The following CDH18 variants were observed in gnomAD, a reference collection of about 807,000 sequenced individuals.
The protein encoded by CDH18 is cadherin-18.
A neutral mutation model predicts 67.9 loss-of-function variants in CDH18; 31 were observed. The ratio of observed to expected loss-of-function variants is 0.46; its 90% CI spans 0.34 to 0.62. CDH18 has a LOEUF of 0.62. Ranked by LOEUF, CDH18 falls within the 20% of genes least tolerant of loss-of-function variation. The pLI, the probability that CDH18 is intolerant of heterozygous loss-of-function variation, is 0.01. For synonymous variants in CDH18, 362 were observed against 347.2 expected, an observed-to-expected ratio of 1.04 and a Z score of -0.48; for missense variants, 890 against 975.5, an observed-to-expected ratio of 0.91 and a Z score of 1.17.
intron 3 of CDH18, among the ~76,000 whole-genome samples, chr5:19,749,256 C>T (rs1174299648): frequency 6.6e-6 from 1 of 151,772 alleles, no homozygotes; most frequent in African/African-American, 2.4e-5. Context: ...GTTTCTAAAA[C>T]CTTTTCTAGA....
At chr5:20,073,080 T>A (rs1181372458) in intron 2 of CDH18, among the ~76,000 whole-genome samples, 1 of 151,974 alleles carries the variant, frequency 6.6e-6, no homozygotes. Context: ...AAAAAAACTT[T>A]AGAATCAGTA....
Position 19,471,867 on chromosome 5 carries a change from G to C in CDH18, c.*1359C>G, listed in dbSNP as rs947299413. On this transcript the variant is annotated 3_prime_UTR_variant, in exon 13 of 13. Transcript: ENST00000382275. ...ATAAGCTAATGAAACTAGAAAATTA[G>C]ATAAGCGTCTGCAAGCTTTTATGCA... 1.3e-5 allele frequency among the ~76,000 whole-genome samples: 2 copies of C among 152,136 alleles called. No homozygotes were observed. The highest frequency in any genetic ancestry group is 4.8e-5 in the African/African-American group (2 of 41,438).
In CDH18 at chr5:20,339,248, T is replaced by C. The variant is rs1046391844; in HGVS notation, c.-579-83743A>G. On this transcript the variant is annotated intron_variant, in intron 1 of 14. Transcript: ENST00000507958. ...CTAAAGAGAAAATTACTTATATTCT[T>C]TTGCACAAAGGCATGGCTGGCTTAC... is the stretch of plus-strand genomic sequence containing the variant. Among the ~76,000 whole-genome samples the C allele has an allele frequency of 2.0e-5, 3 of 152,214 alleles. No individual in the cohort carries two copies. The Middle Eastern group carries it at 0.01, about 518-fold the overall frequency.
At chr5:20,009,973 T>C (rs1052931722) in intron 2 of CDH18, among the ~76,000 whole-genome samples, 3 of 152,168 alleles carry the variant, frequency 2.0e-5, no homozygotes, top group Non-Finnish European at 2.9e-5. Flanking sequence ...TTAATTTTGA[T>C]CCTCAGATTG....
intron 1 of CDH18, among the ~76,000 whole-genome samples, chr5:20,333,596 AGGT>A (rs1472875909): frequency 1.3e-5 from 2 of 151,386 alleles, no homozygotes; most frequent in African/African-American, 4.8e-5. Context: ...ATGTTTATAA[AGGT>A]AATCTTTGCC....
At chr5:19,724,621 T>G (rs1416150995) in intron 4 of CDH18, among the ~76,000 whole-genome samples, 2 of 152,090 alleles carry the variant, frequency 1.3e-5, no homozygotes, top group Non-Finnish European at 2.9e-5. Flanking sequence ...ATGATATTGC[T>G]TTATGGTTTT....
At chr5:20,167,477 T>C (rs1736383947) in intron 2 of CDH18, among the ~76,000 whole-genome samples, 1 of 151,342 alleles carries the variant, frequency 6.6e-6, no homozygotes, top group African/African-American at 2.4e-5. Context: ...AATTAATGGA[T>C]AAATAATAAA....
chr5:20,091,865 A>C (rs954505066), intron 2 of CDH18, among the ~76,000 whole-genome samples: 2 of 152,172 alleles, frequency 1.3e-5, no homozygotes, highest in African/African-American at 4.8e-5. Context: ...TAAGCAAAGA[A>C]CCTCCAGATC....
At chr5:19,899,110 T>A (rs1421092177) in intron 2 of CDH18, among the ~76,000 whole-genome samples, 1 of 151,990 alleles carries the variant, frequency 6.6e-6, no homozygotes. Flanking sequence ...AAATAAGATA[T>A]CGTCTCAGGC....
At chr5:19,564,526 T>C (rs1415955933) in intron 8 of CDH18, among the ~76,000 whole-genome samples, 1 of 152,098 alleles carries the variant, frequency 6.6e-6, no homozygotes, top group African/African-American at 2.4e-5. Flanking sequence ...CATGACCTCC[T>C]TACTAAAGAT....
intron 11 of CDH18, among the ~76,000 whole-genome samples, chr5:19,489,444 T>C (rs1219036902): frequency 6.6e-6 from 1 of 151,972 alleles, no homozygotes; most frequent in Non-Finnish European, 1.5e-5. Flanking sequence ...AGACAGGGTT[T>C]CACCATGTTG....
At chr5:20,376,113 A>ATTTTTTTTTT (rs1743409581) in intron 1 of CDH18, among the ~76,000 whole-genome samples, 1 of 1,028 alleles carries the variant, frequency 9.7e-4, no homozygotes, top group African/African-American at 1.4e-3. Context: ...TTTTTTTTTG[A>ATTTTTTTTTT]GACGGAGTCT....
At chr5:19,801,390 C>G (rs552353342) in intron 3 of CDH18, among the ~76,000 whole-genome samples, 1 of 151,978 alleles carries the variant, frequency 6.6e-6, no homozygotes, top group Admixed American at 6.6e-5. Flanking sequence ...TTCAAGGTAC[C>G]CTTATATATC....
intron 1 of CDH18, among the ~76,000 whole-genome samples, chr5:20,321,008 T>A (rs1334291387): frequency 6.6e-6 from 1 of 152,188 alleles, no homozygotes; most frequent in Non-Finnish European, 1.5e-5. Context: ...GTATGCATTT[T>A]ATGGAAGTCT....
chr5:20,263,004 G>A (rs1157218098), intron 1 of CDH18, among the ~76,000 whole-genome samples: 1 of 136,516 alleles, frequency 7.3e-6, no homozygotes, highest in African/African-American at 2.7e-5. Context: ...GAAGGGGAGG[G>A]GAGGGAGGGG....
intron 2 of CDH18, among the ~76,000 whole-genome samples, chr5:19,848,937 G>T: frequency 6.7e-6 from 1 of 149,272 alleles, no homozygotes; most frequent in East Asian, 2.0e-4. Context: ...TTATATATAT[G>T]TGTATATATA....
At chr5:20,118,861 C>T (rs1340742857) in intron 2 of CDH18, among the ~76,000 whole-genome samples, 2 of 152,086 alleles carry the variant, frequency 1.3e-5, no homozygotes, top group African/African-American at 4.8e-5. Context: ...ACAACAGGCT[C>T]GTAAGTGCAC....
intron 2 of CDH18, among the ~76,000 whole-genome samples, chr5:19,890,310 C>T (rs1174661636): frequency 6.6e-6 from 1 of 152,078 alleles, no homozygotes. Flanking sequence ...TTCGGGCCCA[C>T]CCAGATAAAC....
rs868693130 is a variant in CDH18, at chr5:20,538,910, T to G, written c.-580+36552A>C. Among the ~76,000 whole-genome samples, 563 of 123,674 alleles carry G rather than the reference T, an allele frequency of 4.6e-3. 6 individuals are homozygous for G. The highest frequency in any genetic ancestry group is 0.019 in the African/African-American group (537 of 28,002). 81.1% of individuals were successfully genotyped at this position (123,674 alleles called of 152,430 possible). A position where few individuals can be genotyped will look rare whatever the true frequency, so the allele number is the denominator to read the frequency against. ...CACATAGCCAACTGTTTTTTTTTTG[T>G]TTTTTTTTTTTTTTGTCGCCCAGGC... On this transcript the variant is annotated intron_variant, in intron 1 of 14. Transcript: ENST00000507958.
Sources: allele counts gnomAD v4.1 joint callset (sites outside exome capture counted in the v4.1 genomes callset), GRCh38; gene constraint gnomAD v4.1.1; transcripts MANE v1.5; gene names NCBI Gene and HGNC (gene_info 2026-07-23, HGNC 2026-07-21).